The following ANO4 variants were observed in gnomAD, a reference collection of about 807,000 sequenced individuals.
ANO4 encodes the protein anoctamin 4.
ANO4 carries 69 observed loss-of-function variants against 141.9 expected under a neutral mutation model. The ratio of observed to expected loss-of-function variants is 0.49; its 90% CI spans 0.40 to 0.59. ANO4 has a LOEUF of 0.59. Among genes scored for constraint, ANO4 ranks in the 20% least tolerant of loss-of-function variants. The pLI is 0.00. For synonymous variants in ANO4, 350 were observed against 394.3 expected, an observed-to-expected ratio of 0.89 and a Z score of 1.33; for missense variants, 894 against 1,162.2, an observed-to-expected ratio of 0.77 and a Z score of 3.36.
At chr12:100,834,432 C>T (rs1593463764) in intron 1 of ANO4, among the ~76,000 whole-genome samples, 2 of 152,108 alleles carry the variant, frequency 1.3e-5, no homozygotes, top group South Asian at 2.1e-4. Context: ...ACGTTCCCTA[C>T]CATTTTTACC....
intron 2 of ANO4, among the ~76,000 whole-genome samples, chr12:100,739,450 G>A (rs1485951180): frequency 1.3e-5 from 2 of 152,158 alleles, no homozygotes; most frequent in South Asian, 2.1e-4. Flanking sequence ...GGAACTTGAT[G>A]TAGGCCAGGT....
chr12:100,778,939 C>A (rs1308513148), intron 3 of ANO4, among the ~76,000 whole-genome samples: 1 of 151,924 alleles, frequency 6.6e-6, no homozygotes, highest in Non-Finnish European at 1.5e-5. Context: ...AGAATATATA[C>A]CTTTGGGGTA....
At chr12:101,103,058 TGC>T (rs2136975568) in intron 22 of ANO4, among the ~76,000 whole-genome samples, 1 of 151,060 alleles carries the variant, frequency 6.6e-6, no homozygotes, top group South Asian at 2.1e-4. Context: ...TGTTTGCTTA[TGC>T]AAACTTGCTA....
At chr12:101,051,552 TGAAA>T (rs1267551542) in intron 14 of ANO4, among the ~76,000 whole-genome samples, 7 of 152,352 alleles carry the variant, frequency 4.6e-5, no homozygotes, top group African/African-American at 1.2e-4. Flanking sequence ...TGCAGAAATC[TGAAA>T]GAGTCAACAA....
intron 9 of ANO4, among the ~76,000 whole-genome samples, chr12:101,035,106 C>T (rs889662745): frequency 5.3e-5 from 8 of 152,108 alleles, no homozygotes; most frequent in Non-Finnish European, 7.4e-5. Context: ...ATGTTCATAA[C>T]AGCTTAATTT....
intron 5 of ANO4, among the ~76,000 whole-genome samples, chr12:100,944,559 T>C (rs970143815): frequency 6.6e-6 from 1 of 151,592 alleles, no homozygotes; most frequent in African/African-American, 2.4e-5. Context: ...TCCTCCACAA[T>C]CTTTTAGACA....
At chr12:100,899,783 A>T (rs7316384) in intron 1 of ANO4, among the ~76,000 whole-genome samples, 8,334 of 152,190 alleles carry the variant, frequency 0.055, 706 homozygotes, top group African/African-American at 0.18. Context: ...TAGACTTCTT[A>T]TTGTAGCTTT....
chr12:101,099,371 C>A (rs920605223), intron 21 of ANO4, among the ~76,000 whole-genome samples: 2 of 152,148 alleles, frequency 1.3e-5, no homozygotes, highest in South Asian at 4.1e-4. Flanking sequence ...AAAACAAGTT[C>A]ATCAATCATT....
chr12:101,114,019 C>G (rs943778792), intron 24 of ANO4, among the ~76,000 whole-genome samples: 1 of 152,152 alleles, frequency 6.6e-6, no homozygotes, highest in African/African-American at 2.4e-5. Context: ...TTTCTTGGTA[C>G]TTCTCAATTC....
intron 8 of ANO4, among the ~76,000 whole-genome samples, chr12:101,014,591 T>C (rs1426156279): frequency 6.6e-6 from 1 of 152,174 alleles, no homozygotes; most frequent in Non-Finnish European, 1.5e-5. Context: ...AGGAGAAAAT[T>C]TGGAGCAAAA....
chr12:100,849,409 T>A (rs868031921), intron 1 of ANO4, among the ~76,000 whole-genome samples: 1 of 152,208 alleles, frequency 6.6e-6, no homozygotes, highest in Non-Finnish European at 1.5e-5. Context: ...CCTGCCTCAT[T>A]TCTCAGCCAC....
chr12:101,104,650 TATATATATATATATATATATAA>T (rs1170500323), intron 22 of ANO4, among the ~76,000 whole-genome samples: 9,376 of 99,632 alleles, frequency 0.094, 493 homozygotes, highest in African/African-American at 0.11. Context: ...TATATATATA[TATATATATATATATATATATAA>T]ATAAAAAGAT....
At chr12:100,987,761 G>A in intron 8 of ANO4, 91 bp downstream of exon 8, 1 of 1,534,642 alleles carries the variant, frequency 6.5e-7, no homozygotes, top group Non-Finnish European at 8.8e-7. Context: ...TGGGCATGAG[G>A]AAGGAACAGC....
chr12:100,975,732 G>A (rs563813171), intron 7 of ANO4, among the ~76,000 whole-genome samples: 51 of 151,952 alleles, frequency 3.4e-4, no homozygotes, highest in African/African-American at 4.3e-4. Context: ...GAGCCACCAC[G>A]CCTGGCCAAT....
chr12:101,018,377 C>T (rs1284110559), intron 8 of ANO4, among the ~76,000 whole-genome samples: 2 of 152,222 alleles, frequency 1.3e-5, no homozygotes, highest in East Asian at 3.9e-4. Context: ...AATTACCTTT[C>T]TCCAAGAGCG....
At chr12:100,830,603 G>T (rs1004677373) in intron 1 of ANO4, among the ~76,000 whole-genome samples, 1 of 151,894 alleles carries the variant, frequency 6.6e-6, no homozygotes, top group Non-Finnish European at 1.5e-5. Flanking sequence ...GAACTGCCCC[G>T]GGACTGCTTC....
chr12:101,032,972 A>G (rs2136565141), intron 9 of ANO4, among the ~76,000 whole-genome samples: 1 of 152,266 alleles, frequency 6.6e-6, no homozygotes, highest in Non-Finnish European at 1.5e-5. Context: ...TACTGGGTAT[A>G]TACCCAAAGG....
At chr12:100,789,694 C>G (rs1473316872) in intron 3 of ANO4, among the ~76,000 whole-genome samples, 1 of 152,098 alleles carries the variant, frequency 6.6e-6, no homozygotes, top group Non-Finnish European at 1.5e-5. Context: ...CATAGAAACT[C>G]CTGGTTGAAG....
At chr12:100,722,311 G>T (rs1285986308) in intron 1 of ANO4, among the ~76,000 whole-genome samples, 3 of 152,038 alleles carry the variant, frequency 2.0e-5, no homozygotes, top group Non-Finnish European at 4.4e-5. Flanking sequence ...TCTAGTCCTG[G>T]CTTCTTTGAA....
Sources: gnomAD v4.1 joint callset for allele counts (sites outside exome capture counted in the v4.1 genomes callset) on GRCh38, gnomAD v4.1.1 for gene constraint, MANE v1.5 for transcripts, NCBI Gene and HGNC (gene_info 2026-07-23, HGNC 2026-07-21) for gene names.